ATP10B: variants seen among roughly 807,000 people sequenced by gnomAD.
ATP10B encodes ATPase phospholipid transporting 10B (putative).
In ATP10B, 122 loss-of-function variants were observed where a neutral mutation model predicts 141.2. The ratio of observed to expected loss-of-function variants is 0.86; its 90% confidence interval spans 0.75 to 1.00. ATP10B has a LOEUF of 1.00. Ranked by LOEUF, ATP10B falls within the 50% of genes least tolerant of loss-of-function variation. ATP10B has a pLI of 0.00. For synonymous variants in ATP10B, 685 were observed against 692.0 expected, an observed-to-expected ratio of 0.99 and a Z score of 0.16; for missense variants, 1,876 against 1,825.3, an observed-to-expected ratio of 1.03 and a Z score of -0.51.
intron 1 of ATP10B, among the ~76,000 whole-genome samples, chr5:160,806,661 G>A (rs531183300): frequency 3.3e-5 from 5 of 152,314 alleles, no homozygotes; most frequent in South Asian, 4.1e-4. Flanking sequence ...TGTGCTAGGC[G>A]TTTGACTAAT....
At chr5:160,724,552 C>T (rs902155690) in intron 2 of ATP10B, among the ~76,000 whole-genome samples, 1 of 152,082 alleles carries the variant, frequency 6.6e-6, no homozygotes, top group East Asian at 1.9e-4. Context: ...TATTTGTATC[C>T]CTTAGTTACT....
chr5:160,702,615 T>C (rs1047471610), intron 3 of ATP10B, among the ~76,000 whole-genome samples: 5 of 152,242 alleles, frequency 3.3e-5, no homozygotes, highest in African/African-American at 1.2e-4. Flanking sequence ...ATAAAAATTA[T>C]TTTGATTTTA....
chr5:160,729,830 A>C (rs769218038), intron 2 of ATP10B, among the ~76,000 whole-genome samples: 5 of 152,110 alleles, frequency 3.3e-5, no homozygotes, highest in Admixed American at 6.5e-5. Context: ...GAGAGTGAGA[A>C]GTAAGGCTGA....
chr5:160,816,277 A>G (rs1283846987), intron 1 of ATP10B, among the ~76,000 whole-genome samples: 6 of 70,370 alleles, frequency 8.5e-5, no homozygotes, highest in Non-Finnish European at 2.6e-4. Flanking sequence ...AGAAGAAAAG[A>G]GAGAAGAATC....
chr5:160,872,755 T>C, the ATP10B span, among the ~76,000 whole-genome samples: 2 of 152,168 alleles, frequency 1.3e-5, no homozygotes, highest in African/African-American at 4.8e-5. Flanking sequence ...TATACCAGTA[T>C]TATGCTGTTT....
chr5:160,915,241 C>T, the ATP10B span, among the ~76,000 whole-genome samples: 1 of 152,044 alleles, frequency 6.6e-6, no homozygotes, highest in Non-Finnish European at 1.5e-5. Flanking sequence ...AGGGGAGTCA[C>T]CTCCCTGGAT....
At chr5:160,650,182 AT>A (rs1215385369) in intron 7 of ATP10B, among the ~76,000 whole-genome samples, 2 of 151,402 alleles carry the variant, frequency 1.3e-5, no homozygotes, top group African/African-American at 4.9e-5. Flanking sequence ...ATACATATAT[AT>A]ATACATGTAC....
chr5:160,644,268 G>A (rs73818113), intron 8 of ATP10B, 24 bp from the exon 9 acceptor site: 2 of 1,590,670 alleles, frequency 1.3e-6, no homozygotes, highest in Non-Finnish European at 1.7e-6. Flanking sequence ...ATAAAAGACA[G>A]GGGGTGGTTT....
intron 8 of ATP10B, among the ~76,000 whole-genome samples, chr5:160,645,052 G>A (rs1006977182): frequency 5.3e-5 from 8 of 151,076 alleles, no homozygotes; most frequent in South Asian, 2.1e-4. Flanking sequence ...GGGAGGCGGA[G>A]GTTGCCGTGA....
chr5:160,622,358 C>A, intron 14 of ATP10B, 36 bp downstream of exon 14: 1 of 1,574,892 alleles, frequency 6.3e-7, no homozygotes, highest in South Asian at 1.2e-5. Flanking sequence ...CCTCTACCTC[C>A]TTTACCCTCC....
the ATP10B span, among the ~76,000 whole-genome samples, chr5:160,874,711 C>G: frequency 6.6e-6 from 1 of 152,124 alleles, no homozygotes; most frequent in South Asian, 2.1e-4. Flanking sequence ...AGCTGAAAAC[C>G]AAGGCTCCAG....
intron 3 of ATP10B, among the ~76,000 whole-genome samples, chr5:160,699,520 G>A (rs1200590458): frequency 6.6e-6 from 1 of 152,178 alleles, no homozygotes; most frequent in Admixed American, 6.5e-5. Context: ...GTACACCCCG[G>A]AAGAACTGAG....
At chr5:160,782,917 A>C (rs1360158070) in intron 2 of ATP10B, among the ~76,000 whole-genome samples, 1 of 152,144 alleles carries the variant, frequency 6.6e-6, no homozygotes, top group Non-Finnish European at 1.5e-5. Context: ...TTATGTGTTT[A>C]TACATAACAG....
chr5:160,877,162 T>A, the ATP10B span, among the ~76,000 whole-genome samples: 673 of 151,882 alleles, frequency 4.4e-3, 7 homozygotes, highest in African/African-American at 0.015. Context: ...CGAATCCAGC[T>A]GCATATCAAA....
rs1412139992 is a variant in ATP10B, at chr5:160,594,341, G to T, written c.3565-3202C>A. The stretch of plus-strand genomic sequence containing the variant: ...TCCGTTACAGACAGACAAATGCTGA[G>T]AGATTTTGTCACCACCAGGCCTGCC... On this transcript the variant is annotated intron_variant, in intron 22 of 25. Transcript: ENST00000327245. Among the ~76,000 whole-genome samples the T allele has an allele frequency of 2.6e-5, 4 of 152,266 alleles. No homozygotes were observed. In the East Asian group the frequency reaches 5.8e-4, roughly 22 times the overall value.
chr5:160,730,010 A>G (rs1000986119), intron 2 of ATP10B, among the ~76,000 whole-genome samples: 1 of 152,212 alleles, frequency 6.6e-6, no homozygotes, highest in Non-Finnish European at 1.5e-5. Context: ...GATAACGGTC[A>G]TGCTAACAGC....
chr5:160,701,889 G>C (rs1457665871), intron 3 of ATP10B, among the ~76,000 whole-genome samples: 1 of 149,138 alleles, frequency 6.7e-6, no homozygotes, highest in African/African-American at 2.5e-5. Context: ...CCTCCTGGGA[G>C]CAGTCATCAT....
intron 2 of ATP10B, among the ~76,000 whole-genome samples, chr5:160,731,277 C>A (rs1012038078): frequency 6.6e-6 from 1 of 152,166 alleles, no homozygotes; most frequent in African/African-American, 2.4e-5. Flanking sequence ...TCAGAGCTAC[C>A]ATGTGGTCCT....
the ATP10B span, among the ~76,000 whole-genome samples, chr5:160,876,048 C>A: frequency 2.7e-4 from 17 of 62,516 alleles, no homozygotes; most frequent in African/African-American, 5.1e-4. Flanking sequence ...ATAGACATCT[C>A]CAGAACTCTC....
Sources: allele counts gnomAD v4.1 joint callset (sites outside exome capture counted in the v4.1 genomes callset), GRCh38; gene constraint gnomAD v4.1.1; transcripts MANE v1.5; gene names NCBI Gene and HGNC (gene_info 2026-07-23, HGNC 2026-07-21).